The following YY1AP1 variants were observed in gnomAD, a reference collection of about 807,000 sequenced individuals.
YY1AP1 encodes the protein YY1-associated protein 1.
In YY1AP1, 43 loss-of-function variants were observed where a neutral mutation model predicts 39.9. The observed-to-expected ratio is 1.08, with a 90% CI of 0.84 to 1.39. YY1AP1 has a LOEUF of 1.39. Among genes scored for constraint, YY1AP1 ranks in the 40% most tolerant of loss-of-function variants. The probability of loss-of-function intolerance (pLI) is 0.00; values close to 1 mark genes in which losing one functional copy is unlikely to be tolerated. For missense variants in YY1AP1, 813 were observed against 900.7 expected (o/e 0.90, Z 1.25); for synonymous variants, 292 against 331.3 (o/e 0.88, Z 1.29).
intron 9 of YY1AP1, among the ~76,000 whole-genome samples, chr1:155,665,784 CAAAAAA>C (rs58155011): frequency 5.7e-5 from 2 of 35,044 alleles, no homozygotes; most frequent in African/African-American, 1.6e-4. Context: ...CTCTGTGTCT[CAAAAAA>C]AAAAAAAAAA....
At chr1:155,674,005 C>A (rs1018678756) in intron 6 of YY1AP1, among the ~76,000 whole-genome samples, 9 of 151,654 alleles carry the variant, frequency 5.9e-5, no homozygotes, top group African/African-American at 1.9e-4. Context: ...ACTAAAAATA[C>A]AAAAAATTAG....
chr1:155,676,329 G>A (rs756671866), intron 5 of YY1AP1, among the ~76,000 whole-genome samples: 3 of 152,092 alleles, frequency 2.0e-5, no homozygotes, highest in Non-Finnish European at 2.9e-5. Context: ...CTGTAATTCC[G>A]AATACCATTA....
intron 4 of YY1AP1, 22 bp from the exon 5 acceptor site, chr1:155,676,768 GA>G: frequency 1.2e-6 from 2 of 1,611,180 alleles, no homozygotes; most frequent in Non-Finnish European, 1.7e-6. Flanking sequence ...GGGGATGACT[GA>G]ATTTGAGTGT....
At chr1:155,664,931 G>A (rs556812776) in intron 9 of YY1AP1, among the ~76,000 whole-genome samples, 2 of 151,698 alleles carry the variant, frequency 1.3e-5, no homozygotes, top group South Asian at 4.2e-4. Context: ...CACCACACCC[G>A]GCTAATTTTT....
chr1:155,660,496 T>C lies in YY1AP1; in HGVS notation c.1414A>G (p.Ser472Gly). Residue 472 changes from serine (S) to glycine (G), a missense_variant, in exon 11 of 11, where the codon AGT becomes GGT. By Grantham distance (56) the Ser-to-Gly change is moderately conservative (BLOSUM62 0). This residue lies in a region of YY1AP1 where 586 missense variants were observed against 647.4 expected (regional missense o/e 0.91). Coordinates refer to ENST00000355499, the MANE Select transcript of YY1AP1 (RefSeq NM_139119.3). ...GGAGACTCAAAACTCTCACCTCCAC[T>C]GACCCCCAGTGGAGGGACACCTGGA... ...TVPGVPPLGV[S>G]GGESFESPAA... is the part of the protein sequence containing the mutation. The C allele has an allele frequency of 6.2e-7, 1 of 1,614,170 alleles. No homozygotes were observed. Among genetic ancestry groups the C allele is most frequent in the Non-Finnish European group, 8.5e-7 (1 of 1,180,036 alleles).
chr1:155,675,653 T>G (rs1470599209), intron 5 of YY1AP1, among the ~76,000 whole-genome samples: 2 of 151,744 alleles, frequency 1.3e-5, no homozygotes, highest in Non-Finnish European at 2.9e-5. Context: ...AGACAGAGTC[T>G]CACTATGTTG....
At chr1:155,662,902 G>A (rs1648383530) in intron 9 of YY1AP1, among the ~76,000 whole-genome samples, 1 of 152,132 alleles carries the variant, frequency 6.6e-6, no homozygotes, top group African/African-American at 2.4e-5. Context: ...TACTTGGCAG[G>A]CTGAGGCAGG....
At chr1:155,671,200 G>A (rs1480188369) in intron 7 of YY1AP1, 1 of 152,056 alleles carries the variant, frequency 6.6e-6, no homozygotes, top group Non-Finnish European at 1.5e-5. Context: ...GGAGGCCGAG[G>A]CAGGTGGATC....
At chr1:155,665,547 C>A (rs929614812) in intron 9 of YY1AP1, among the ~76,000 whole-genome samples, 1 of 151,634 alleles carries the variant, frequency 6.6e-6, no homozygotes, top group Non-Finnish European at 1.5e-5. Flanking sequence ...TGCAGTGAGC[C>A]AAGATCATCG....
chr1:155,661,758 C>A (rs1436209779), intron 9 of YY1AP1, among the ~76,000 whole-genome samples: 2 of 152,316 alleles, frequency 1.3e-5, no homozygotes, highest in African/African-American at 4.8e-5. Flanking sequence ...CAGGTTCACG[C>A]CATTCTCCTG....
chr1:155,660,771 T>G lies in YY1AP1; in HGVS notation c.1139A>C (p.Tyr380Ser), dbSNP rs770392051. 50 of 1,614,094 alleles carry G rather than the reference T, an allele frequency of 3.1e-5. No individual in the cohort carries two copies. In the South Asian group the frequency reaches 3.7e-4, roughly 12 times the overall value. Residue 380 changes from tyrosine (Y) to serine (S), a missense_variant, in exon 11 of 11, where the codon TAC becomes TCC. Physicochemically the swap from Tyr to Ser is moderately radical, Grantham distance 144. Transcript: ENST00000355499. ...DNSELGSETR[Y>S]PLLLPKGVVL... ...TACACCCTTAGGCAATAGCAGTGGG[T>G]ACCGAGTTTCACTCCCCAACTCTGA...
chr1:155,688,336 GC>G (rs1398967527), intron 1 of YY1AP1, 135 bp from the exon 2 acceptor site: 1 of 1,550,396 alleles, frequency 6.4e-7, no homozygotes, highest in South Asian at 1.2e-5. Context: ...GGCAGCGGCG[GC>G]AGCAGAGTGG....
At chr1:155,665,809 A>AAAAG (rs1423160111) in intron 9 of YY1AP1, among the ~76,000 whole-genome samples, 2 of 145,380 alleles carry the variant, frequency 1.4e-5, no homozygotes, top group African/African-American at 2.7e-5. Context: ...AAAAAAAAAA[A>AAAAG]GTAATGCAAA....
chr1:155,683,639 G>A (rs1651819478), intron 2 of YY1AP1, among the ~76,000 whole-genome samples: 2 of 151,960 alleles, frequency 1.3e-5, no homozygotes, highest in South Asian at 4.2e-4. Context: ...CTGGGCTACA[G>A]AGCAAGACTC....
At chr1:155,666,817 T>C (rs1425881935) in intron 9 of YY1AP1, among the ~76,000 whole-genome samples, 1 of 151,976 alleles carries the variant, frequency 6.6e-6, no homozygotes, top group Non-Finnish European at 1.5e-5. Flanking sequence ...CTGACCAACA[T>C]GGTGAAATTA....
At position 155,680,090 on chromosome 1, in the gene YY1AP1, T is replaced by C. The variant is rs140463472; in HGVS notation, c.21+326A>G. 3.0e-4 allele frequency: 75 copies of C among 249,870 alleles called. 1 individual carries two copies. Among genetic ancestry groups the C allele is most frequent in the African/African-American group, 1.6e-3 (70 of 42,814 alleles). 15.5% of individuals were successfully genotyped at this position (249,870 alleles called of 1,614,324 possible). ...TACTCAGGAGGCTTAGATGAGAGAA[T>C]TGTTTTGAGCCCTGGAGGTCGAGGC... On this transcript the variant is annotated intron_variant, in intron 3 of 10. Coordinates refer to ENST00000355499, the MANE Select transcript of YY1AP1 (RefSeq NM_139119.3).
At chr1:155,661,109 T>A in intron 10 of YY1AP1, 196 bp from the exon 11 acceptor site, 1 of 1,500,838 alleles carries the variant, frequency 6.7e-7, no homozygotes, top group Non-Finnish European at 8.9e-7. Context: ...CAAATTACCA[T>A]TTTACCCATT....
intron 4 of YY1AP1, 170 bp downstream of exon 4, chr1:155,679,239 C>T: frequency 6.5e-7 from 1 of 1,532,666 alleles, no homozygotes; most frequent in African/African-American, 1.4e-5. Context: ...CTGCACTGCC[C>T]CATAACAAGG....
At chr1:155,688,569 A>G in intron 1 of YY1AP1, 90 bp downstream of exon 1, 1 of 1,537,782 alleles carries the variant, frequency 6.5e-7, no homozygotes. Context: ...GCCATCCCGT[A>G]CGCGCTCACC....
Sources: allele counts gnomAD v4.1 joint callset (sites outside exome capture counted in the v4.1 genomes callset), GRCh38; gene constraint gnomAD v4.1.1; regional missense constraint gnomAD v4.1.1; transcripts MANE v1.5; gene names NCBI Gene and HGNC (gene_info 2026-07-23, HGNC 2026-07-21).